The following ATP5MG variants were observed in gnomAD, a reference collection of about 807,000 sequenced individuals.
ATP5MG encodes ATP synthase F(0) complex subunit g, mitochondrial.
A neutral mutation model predicts 12.7 loss-of-function variants in ATP5MG; 7 were observed. The observed-to-expected ratio is 0.55, with a 90% CI of 0.31 to 1.04. ATP5MG has a LOEUF of 1.04. ATP5MG is among the 50% of genes least tolerant of loss of function. The probability of loss-of-function intolerance (pLI) is 0.05; values close to 1 mark genes in which losing one functional copy is unlikely to be tolerated. For missense variants in ATP5MG, 116 were observed against 126.7 expected, an observed-to-expected ratio of 0.92 and a Z score of 0.41; for synonymous variants, 53 against 48.2, an observed-to-expected ratio of 1.10 and a Z score of -0.41.
At chr11:118,405,392 C>A (rs1948963771) in intron 1 of ATP5MG, among the ~76,000 whole-genome samples, 1 of 152,116 alleles carries the variant, frequency 6.6e-6, no homozygotes, top group South Asian at 2.1e-4. Flanking sequence ...TCTTGTTTAC[C>A]TGTAACATCA....
At chr11:118,408,235 A>T (rs1555132461) in intron 2 of ATP5MG, among the ~76,000 whole-genome samples, 1 of 152,204 alleles carries the variant, frequency 6.6e-6, no homozygotes, top group African/African-American at 2.4e-5. Context: ...GAGTACAAAA[A>T]GCCTAAACAA....
At position 118,406,741 on chromosome 11, in the gene ATP5MG, A is replaced by T. The variant is rs1948974850; in HGVS notation, c.53-196A>T. The T allele has an allele frequency of 1.1e-5, 8 of 717,310 alleles. No homozygotes were observed. The South Asian group carries it at 1.5e-4, about 13-fold the overall frequency. 44.4% of individuals were successfully genotyped at this position (717,310 alleles called of 1,614,324 possible). On this transcript the variant is annotated intron_variant, in intron 1 of 2. Transcript: ENST00000300688. ...CTGCCTGATTGAACATCCCTGTGGC[A>T]CAGGTGTTCTGCATCTTTAAAAGCC...
chr11:118,403,294 G>A (rs1215414423), intron 1 of ATP5MG, among the ~76,000 whole-genome samples: 2 of 151,992 alleles, frequency 1.3e-5, no homozygotes, highest in Admixed American at 6.6e-5. Context: ...GCAGGAGTTC[G>A]AGACCAGCCT....
chr11:118,402,814 C>T (rs1948940421), intron 1 of ATP5MG, among the ~76,000 whole-genome samples: 1 of 151,818 alleles, frequency 6.6e-6, no homozygotes, highest in South Asian at 2.1e-4. Context: ...ATCCTCCCAC[C>T]TCAGCCTCCT....
At position 118,401,623 on chromosome 11, in the gene ATP5MG, T is replaced by A. The variant is rs782515743; in HGVS notation, c.-43T>A. On this transcript the variant is annotated 5_prime_UTR_variant, in exon 1 of 3. Transcript: ENST00000300688. ...CAGCGGGTCCTTCCGGCGGGTGACA[T>A]TCAGCCGGCGGTTCGGGGCGACGGA... The A allele has an allele frequency of 1.2e-5, 19 of 1,613,234 alleles. No individual in the cohort carries two copies. The highest frequency in any genetic ancestry group is 6.7e-5 in the Admixed American group (4 of 60,000).
intron 1 of ATP5MG, chr11:118,404,091 A>G (rs558749739): frequency 3.3e-5 from 5 of 152,332 alleles, no homozygotes; most frequent in Admixed American, 1.3e-4. Flanking sequence ...GGAGGACTCA[A>G]CTGGGCTGGA....
intron 1 of ATP5MG, 185 bp from the exon 2 acceptor site, chr11:118,406,752 G>A: frequency 1.2e-6 from 1 of 804,052 alleles, no homozygotes; most frequent in Admixed American, 2.8e-5. Context: ...CAGGTGTTCT[G>A]CATCTTTAAA....
rs1948996180 is a variant in ATP5MG, at chr11:118,409,076, G to T, written c.290G>T (p.Gly97Val). 1.2e-6 allele frequency: 2 copies of T among 1,606,714 alleles called. No individual in the cohort carries two copies. Residue 97 changes from glycine (G) to valine (V), a missense_variant, in exon 3 of 3, where the codon GGC becomes GTC. Transcript: ENST00000300688. ...GTCGGAGAGATTATAGGCAAGCGGG[G>T]CATCATTGGCTATGATGTTTGAAGA... ...FYVGEIIGKRGIIGYDV is the reference protein window; with the variant it reads ...FYVGEIIGKRVIIGYDV
chr11:118,405,793 C>A, intron 1 of ATP5MG: 1 of 777,062 alleles, frequency 1.3e-6, no homozygotes, highest in Non-Finnish European at 1.6e-6. Context: ...ATGAGGAAAA[C>A]ACCAAGAGCC....
At chr11:118,407,743 G>A (rs1948984804) in intron 2 of ATP5MG, among the ~76,000 whole-genome samples, 1 of 152,108 alleles carries the variant, frequency 6.6e-6, no homozygotes, top group Admixed American at 6.5e-5. Context: ...GTGGTGGCAT[G>A]TACCTGTAGT....
intron 2 of ATP5MG, among the ~76,000 whole-genome samples, chr11:118,408,103 A>G (rs1176658954): frequency 6.6e-6 from 1 of 152,038 alleles, no homozygotes; most frequent in Non-Finnish European, 1.5e-5. Flanking sequence ...CGGAGCTTGC[A>G]GTGAGCCGAG....
At chr11:118,401,828 G>T in intron 1 of ATP5MG, 111 bp downstream of exon 1, 1 of 1,333,418 alleles carries the variant, frequency 7.5e-7, no homozygotes, top group Non-Finnish European at 1.0e-6. Context: ...CGGGTGCCGG[G>T]GCGGGATGGC....
In ATP5MG at chr11:118,409,283, A is replaced by G; in HGVS notation, c.*185A>G. ...CTGGGTTGTCTTTAAACAACCCTAA[A>G]TACACGTCTGTTTAGCCCGCAATTG... On this transcript the variant is annotated 3_prime_UTR_variant, in exon 3 of 3. Coordinates refer to ENST00000300688, the MANE Select transcript of ATP5MG (RefSeq NM_006476.5). 1 of 340,830 alleles carries G rather than the reference A, an allele frequency of 2.9e-6. No individual in the cohort carries two copies. The highest frequency in any genetic ancestry group is 5.0e-5 in the South Asian group (1 of 19,996). The allele number at this position is 340,830 out of a possible 1,614,324, so 21.1% of individuals were successfully genotyped here.
intron 1 of ATP5MG, chr11:118,406,272 T>C (rs1555132082): frequency 1.3e-5 from 2 of 152,512 alleles, no homozygotes; most frequent in African/African-American, 4.8e-5. Context: ...AGTAAATACC[T>C]TGAGGAATTC....
Position 118,408,930 on chromosome 11 carries a change from A to AATAT in ATP5MG, c.214-54_214-51dup, listed in dbSNP as rs373160251. The AATAT allele has an allele frequency of 8.7e-4, 359 of 411,344 alleles. 3 individuals are homozygous for AATAT. Among genetic ancestry groups the AATAT allele is most frequent in the African/African-American group, 4.3e-3 (191 of 44,690 alleles). The allele number at this position is 411,344 out of a possible 1,614,324, so 25.5% of individuals were successfully genotyped here. On this transcript the variant is annotated intron_variant, in intron 2 of 2. Coordinates refer to ENST00000300688, the MANE Select transcript of ATP5MG (RefSeq NM_006476.5). Reference sequence around the variant, plus strand: ...TTAATTCTGGAAAAGAATAGTTTCAAATATATATATATATATATAATTATA... The same window carrying AATAT: ...TTAATTCTGGAAAAGAATAGTTTCAAATATATATATATATATATATATAATTATA...
rs551468524 is a variant in ATP5MG at position 118,405,591 on chromosome 11, A to G, written c.53-1346A>G. On this transcript the variant is annotated intron_variant, in intron 1 of 2. Transcript: ENST00000300688. ...TAAGGATGAAATGTCTGTGTGTTGG[A>G]GATAATATTGACAATTGATTGACTT... The G allele has an allele frequency of 3.3e-5, 29 of 866,968 alleles. No homozygotes were observed. In the South Asian group the frequency reaches 1.4e-3, roughly 41 times the overall value. 53.7% of individuals were successfully genotyped at this position (866,968 alleles called of 1,614,324 possible). A position where few individuals can be genotyped will look rare whatever the true frequency, so the allele number is the denominator to read the frequency against.
At chr11:118,408,659 C>G (rs1232785887) in intron 2 of ATP5MG, among the ~76,000 whole-genome samples, 2 of 152,134 alleles carry the variant, frequency 1.3e-5, no homozygotes, top group African/African-American at 2.4e-5. Flanking sequence ...AATGCGCCAG[C>G]TATATCCAGG....
At chr11:118,402,987 A>G (rs1393830027) in intron 1 of ATP5MG, among the ~76,000 whole-genome samples, 1 of 152,178 alleles carries the variant, frequency 6.6e-6, no homozygotes, top group Admixed American at 6.5e-5. Flanking sequence ...GGTGTGAGCC[A>G]CAGCGCCAGC....
chr11:118,408,811 T>C (rs1281412001), intron 2 of ATP5MG, among the ~76,000 whole-genome samples, 189 bp from the exon 3 acceptor site: 1 of 152,028 alleles, frequency 6.6e-6, no homozygotes, highest in East Asian at 1.9e-4. Flanking sequence ...GTTCAAGGGT[T>C]CTCAGCAGTT....
Sources: gnomAD v4.1 joint callset for allele counts (sites outside exome capture counted in the v4.1 genomes callset) on GRCh38, gnomAD v4.1.1 for gene constraint, MANE v1.5 for transcripts, NCBI Gene and HGNC (gene_info 2026-07-23, HGNC 2026-07-21) for gene names.